NOX4: variants seen among roughly 807,000 people sequenced by gnomAD.
The protein encoded by NOX4 is kidney oxidase-1.
Under a neutral mutation model 87.6 loss-of-function variants are expected in NOX4, and 69 were observed. That is an observed-to-expected ratio of 0.79 (90% CI 0.65 to 0.96). NOX4 has a LOEUF of 0.96. NOX4 is among the 40% of genes least tolerant of loss of function. The probability of loss-of-function intolerance (pLI) is 0.00; values close to 1 mark genes in which losing one functional copy is unlikely to be tolerated. For synonymous variants in NOX4, 275 were observed against 238.2 expected (o/e 1.15, Z -1.42); for missense variants, 680 against 681.5 (o/e 1.00, Z 0.02).
At chr11:89,477,878 A>G (rs1344578882) in intron 2 of NOX4, among the ~76,000 whole-genome samples, 1 of 152,200 alleles carries the variant, frequency 6.6e-6, no homozygotes, top group Non-Finnish European at 1.5e-5. Flanking sequence ...ATTCTAACTA[A>G]GAAAATAATA....
At chr11:89,483,970 A>G (rs1045280862) in intron 2 of NOX4, among the ~76,000 whole-genome samples, 6 of 152,106 alleles carry the variant, frequency 3.9e-5, no homozygotes, top group Non-Finnish European at 7.4e-5. Context: ...AGCAAGTTAT[A>G]GAACCCCTCT....
At chr11:89,404,269 A>T (rs988140206) in intron 8 of NOX4, among the ~76,000 whole-genome samples, 2 of 146,482 alleles carry the variant, frequency 1.4e-5, no homozygotes, top group African/African-American at 4.9e-5. Flanking sequence ...CATCGGAAGG[A>T]TAGTGACTGA....
intron 13 of NOX4, among the ~76,000 whole-genome samples, chr11:89,349,702 G>T (rs981080089): frequency 6.6e-6 from 1 of 152,142 alleles, no homozygotes; most frequent in Non-Finnish European, 1.5e-5. Context: ...CAGAGAACTT[G>T]ATCTTTATGA....
intron 9 of NOX4, among the ~76,000 whole-genome samples, chr11:89,401,900 C>A (rs1035898259): frequency 2.6e-5 from 4 of 151,994 alleles, no homozygotes; most frequent in African/African-American, 9.7e-5. Flanking sequence ...TAATATTAAG[C>A]ATTCAATAAA....
the NOX4 span, among the ~76,000 whole-genome samples, chr11:89,538,616 T>A: frequency 6.6e-6 from 1 of 152,206 alleles, no homozygotes; most frequent in Admixed American, 6.5e-5. Flanking sequence ...CACAGAATGA[T>A]ATGGAAATGA....
At chr11:89,354,898 C>T (rs1193206201) in intron 13 of NOX4, 64 bp downstream of exon 13, 10 of 1,027,026 alleles carry the variant, frequency 9.7e-6, no homozygotes, top group African/African-American at 3.3e-5. Context: ...TTTTTGCCTG[C>T]CCAAATCTCT....
At chr11:89,344,542 T>G (rs1388397571) in intron 13 of NOX4, among the ~76,000 whole-genome samples, 2 of 152,146 alleles carry the variant, frequency 1.3e-5, no homozygotes, top group Non-Finnish European at 2.9e-5. Flanking sequence ...AGAGTAAAAC[T>G]CAGTGTCCAA....
At chr11:89,429,646 C>T (rs1943663461) in intron 7 of NOX4, among the ~76,000 whole-genome samples, 1 of 152,094 alleles carries the variant, frequency 6.6e-6, no homozygotes, top group Non-Finnish European at 1.5e-5. Flanking sequence ...TACACCCTCC[C>T]AAGACTAAAC....
At position 89,349,828 on chromosome 11, in the gene NOX4, C is replaced by T. The variant is rs114767232; in HGVS notation, c.1217+5134G>A. Among the ~76,000 whole-genome samples, 646 of 152,220 alleles carry T rather than the reference C, an allele frequency of 4.2e-3. 8 individuals are homozygous for T. Among genetic ancestry groups the T allele is most frequent in the African/African-American group, 0.015 (626 of 41,528 alleles). ...GCTGGTTTAATTGCCAAAATGGTTG[C>T]AAGTAATTTGTGGATAAAATTATAC... On this transcript the variant is annotated intron_variant, in intron 13 of 17. Transcript: ENST00000263317.
At chr11:89,580,410 G>C in the NOX4 span, among the ~76,000 whole-genome samples, 1 of 152,100 alleles carries the variant, frequency 6.6e-6, no homozygotes, top group South Asian at 2.1e-4. Flanking sequence ...TCGAACTTGT[G>C]CATGCAAGTG....
chr11:89,514,792 G>A, the NOX4 span, among the ~76,000 whole-genome samples: 1 of 151,874 alleles, frequency 6.6e-6, no homozygotes, highest in Admixed American at 6.6e-5. Flanking sequence ...AACTAACCTT[G>A]CATTCCTTGG....
At chr11:89,338,082 C>T (rs1945799793) in intron 15 of NOX4, among the ~76,000 whole-genome samples, 1 of 151,922 alleles carries the variant, frequency 6.6e-6, no homozygotes, top group African/African-American at 2.4e-5. Flanking sequence ...GGAACAACAA[C>T]CCCTCACTTC....
chr11:89,477,188 C>T lies in NOX4; in HGVS notation c.153+13270G>A, dbSNP rs1022018673. ...CACCACAATGGAGAATCAGTGATTG[C>T]CCTGAGCCTGTTTGCCTGAAACTAA... On this transcript the variant is annotated intron_variant, in intron 2 of 17. Transcript: ENST00000263317. Among the ~76,000 whole-genome samples the T allele has an allele frequency of 2.0e-5, 3 of 152,034 alleles. No individual in the cohort carries two copies. The South Asian group carries it at 6.2e-4, about 32-fold the overall frequency.
chr11:89,426,437 G>C (rs879551873), intron 7 of NOX4, among the ~76,000 whole-genome samples: 2 of 151,978 alleles, frequency 1.3e-5, no homozygotes, highest in Non-Finnish European at 2.9e-5. Context: ...CGCCTCACCT[G>C]GGAAGCGCAA....
intron 13 of NOX4, among the ~76,000 whole-genome samples, chr11:89,353,745 C>A (rs975109399): frequency 1.3e-5 from 2 of 152,056 alleles, no homozygotes; most frequent in African/African-American, 4.8e-5. Context: ...AAACTGTAAG[C>A]CTAAGAGGCA....
chr11:89,337,817 T>C (rs984291964), intron 15 of NOX4, among the ~76,000 whole-genome samples: 2 of 152,052 alleles, frequency 1.3e-5, no homozygotes, highest in Non-Finnish European at 2.9e-5. Flanking sequence ...TATTAGTCCT[T>C]CTGAAATACT....
At chr11:89,481,026 A>G (rs1027146722) in intron 2 of NOX4, among the ~76,000 whole-genome samples, 2 of 152,072 alleles carry the variant, frequency 1.3e-5, no homozygotes, top group African/African-American at 4.8e-5. Flanking sequence ...AGGATCAGGG[A>G]GGCAGCCAAA....
chr11:89,433,832 T>G (rs889700317), intron 6 of NOX4, among the ~76,000 whole-genome samples: 37 of 152,180 alleles, frequency 2.4e-4, no homozygotes, highest in African/African-American at 8.7e-4. Flanking sequence ...AAATCCAACA[T>G]TAGCACATAT....
intron 7 of NOX4, among the ~76,000 whole-genome samples, chr11:89,424,381 TC>T (rs1943258693): frequency 6.6e-6 from 1 of 150,916 alleles, no homozygotes; most frequent in Admixed American, 6.6e-5. Flanking sequence ...TACCATTATT[TC>T]CAGAAAAAGT....
Sources: allele counts gnomAD v4.1 joint callset (sites outside exome capture counted in the v4.1 genomes callset), GRCh38; gene constraint gnomAD v4.1.1; transcripts MANE v1.5; gene names NCBI Gene and HGNC (gene_info 2026-07-23, HGNC 2026-07-21).